Variants in SPMAP1 observed in about 807,000 individuals in gnomAD.
The protein encoded by SPMAP1 is sperm microtubule associated protein 1.
chr17:38,838,063 T>C, the SPMAP1 span, among the ~76,000 whole-genome samples: 623 of 152,098 alleles, frequency 4.1e-3, 6 homozygotes, highest in African/African-American at 0.015. Context: ...TTTTGTATTT[T>C]TAGTAGAGAC....
At chr17:38,837,925 G>A in the SPMAP1 span, among the ~76,000 whole-genome samples, 4 of 152,126 alleles carry the variant, frequency 2.6e-5, no homozygotes, top group Non-Finnish European at 4.4e-5. Context: ...GTCTTACTCT[G>A]TCACCCAGAC....
At chr17:38,836,700 C>T in the SPMAP1 span, among the ~76,000 whole-genome samples, 1 of 150,006 alleles carries the variant, frequency 6.7e-6, no homozygotes, top group African/African-American at 2.5e-5. Context: ...AAGCAGTTCT[C>T]CTGCCTCAGC....
chr17:38,841,299 G>A, the SPMAP1 span: 8 of 1,614,070 alleles, frequency 5.0e-6, no homozygotes, highest in African/African-American at 1.3e-5. Context: ...GGCCTAGAGC[G>A]CCCATAAGCG....
chr17:38,841,089 C>G, the SPMAP1 span: 3 of 785,402 alleles, frequency 3.8e-6, no homozygotes, highest in Non-Finnish European at 6.1e-6. Context: ...GAAAGTAAAC[C>G]GAGGAGGTGA....
chr17:38,841,208 G>A, the SPMAP1 span: 115,589 of 1,614,002 alleles, frequency 0.072, 4,391 homozygotes, highest in African/African-American at 0.093. Flanking sequence ...CAAAAGGGGC[G>A]GAACCACGTG....
the SPMAP1 span, among the ~76,000 whole-genome samples, chr17:38,839,963 C>T: frequency 6.6e-6 from 1 of 152,174 alleles, no homozygotes; most frequent in African/African-American, 2.4e-5. Context: ...GTCTTCCTGT[C>T]TCTTCCCCAC....
the SPMAP1 span, among the ~76,000 whole-genome samples, chr17:38,837,626 C>T: frequency 2.0e-5 from 3 of 150,802 alleles, no homozygotes; most frequent in Non-Finnish European, 4.4e-5. Flanking sequence ...TGCAGTGAAC[C>T]GAGATCCTGC....
chr17:38,838,433 C>T, the SPMAP1 span, among the ~76,000 whole-genome samples: 1 of 151,670 alleles, frequency 6.6e-6, no homozygotes, highest in Non-Finnish European at 1.5e-5. Context: ...AACCCGGTGT[C>T]TACTAAAAAT....
At chr17:38,841,067 T>A in the SPMAP1 span, 4 of 662,230 alleles carry the variant, frequency 6.0e-6, no homozygotes, top group African/African-American at 3.6e-5. Context: ...AATAAAAATT[T>A]AAAAAAGAAA....
At chr17:38,839,765 A>C in the SPMAP1 span, among the ~76,000 whole-genome samples, 7 of 151,894 alleles carry the variant, frequency 4.6e-5, no homozygotes, top group African/African-American at 1.7e-4. Flanking sequence ...CTGCCACTGC[A>C]CTCCAGCCTG....
the SPMAP1 span, chr17:38,841,291 C>T: frequency 6.2e-7 from 1 of 1,614,224 alleles, no homozygotes; most frequent in Non-Finnish European, 8.5e-7. Context: ...ACAGCTTGGG[C>T]CTAGAGCGCC....
the SPMAP1 span, among the ~76,000 whole-genome samples, chr17:38,839,668 C>T: frequency 6.6e-6 from 1 of 151,568 alleles, no homozygotes; most frequent in Non-Finnish European, 1.5e-5. Flanking sequence ...GGCGTGGTGG[C>T]GGGCACCTGT....
chr17:38,841,381 G>A, the SPMAP1 span: 1 of 1,613,974 alleles, frequency 6.2e-7, no homozygotes, highest in Non-Finnish European at 8.5e-7. Context: ...ACTCGCTCAG[G>A]TACGCCATCC....
the SPMAP1 span, among the ~76,000 whole-genome samples, chr17:38,840,013 G>A: frequency 6.6e-6 from 1 of 152,154 alleles, no homozygotes; most frequent in Admixed American, 6.6e-5. Context: ...GAAGCAAAAT[G>A]TTGGGGGAAA....
At chr17:38,838,476 T>C in the SPMAP1 span, among the ~76,000 whole-genome samples, 1 of 152,028 alleles carries the variant, frequency 6.6e-6, no homozygotes, top group South Asian at 2.1e-4. Flanking sequence ...GGCTCATGCC[T>C]GTAATCCCAG....
chr17:38,836,661 G>A, the SPMAP1 span, among the ~76,000 whole-genome samples: 1 of 143,130 alleles, frequency 7.0e-6, no homozygotes, highest in Admixed American at 7.6e-5. Context: ...CACGATCTTG[G>A]CACACTGCAA....
chr17:38,838,045 C>A, the SPMAP1 span, among the ~76,000 whole-genome samples: 1 of 151,902 alleles, frequency 6.6e-6, no homozygotes, highest in Non-Finnish European at 1.5e-5. Flanking sequence ...CCACCATGCC[C>A]GGCTAATTTT....
the SPMAP1 span, chr17:38,837,127 G>A: frequency 6.3e-7 from 1 of 1,576,526 alleles, no homozygotes; most frequent in Non-Finnish European, 8.7e-7. Context: ...GCTAGAAATG[G>A]AGGCAGCACT....
chr17:38,836,592 T>C, the SPMAP1 span, among the ~76,000 whole-genome samples: 5 of 133,872 alleles, frequency 3.7e-5, no homozygotes, highest in East Asian at 2.1e-4. Context: ...TTTCTTTTTT[T>C]TTTTTTTTTT....
Sources: allele counts gnomAD v4.1 joint callset (sites outside exome capture counted in the v4.1 genomes callset), GRCh38; gene constraint gnomAD v4.1.1; transcripts MANE v1.5; gene names NCBI Gene and HGNC (gene_info 2026-07-23, HGNC 2026-07-21).